The following TMCC3 variants were observed in gnomAD, a reference collection of about 807,000 sequenced individuals.
TMCC3 encodes the protein transmembrane and coiled-coil domain protein 3.
Under a neutral mutation model 40.2 loss-of-function variants are expected in TMCC3, and 28 were observed. The observed-to-expected ratio is 0.70, with a 90% CI of 0.52 to 0.95. The LOEUF is 0.95. Ranked by LOEUF, TMCC3 falls within the 40% of genes least tolerant of loss-of-function variation. The pLI is 0.00. For synonymous variants in TMCC3, 255 were observed against 248.5 expected (o/e 1.03, Z -0.25); for missense variants, 554 against 615.2 (o/e 0.90, Z 1.05).
chr12:94,597,151 AT>A (rs1185699424), intron 1 of TMCC3, among the ~76,000 whole-genome samples: 1,718 of 18,200 alleles, frequency 0.094, 92 homozygotes, highest in East Asian at 0.26. Flanking sequence ...ATATATATAT[AT>A]ATATATGTAT....
intron 3 of TMCC3, among the ~76,000 whole-genome samples, chr12:94,574,332 G>A (rs2068550712): frequency 6.6e-6 from 1 of 151,288 alleles, no homozygotes; most frequent in Non-Finnish European, 1.5e-5. Flanking sequence ...AGGTTGCAGT[G>A]AGCCGAGATC....
chr12:94,649,474 G>A (rs2138893144), intron 1 of TMCC3, among the ~76,000 whole-genome samples: 1 of 152,352 alleles, frequency 6.6e-6, no homozygotes, highest in East Asian at 1.9e-4. Flanking sequence ...AACTCCAGGT[G>A]CCTCCTGCCA....
intron 3 of TMCC3, among the ~76,000 whole-genome samples, chr12:94,578,065 T>C (rs2068576484): frequency 6.8e-6 from 1 of 146,036 alleles, no homozygotes; most frequent in East Asian, 2.0e-4. Context: ...AGAAGAATCG[T>C]TTGAACTCGG....
chr12:94,567,818 T>C lies in TMCC3; in HGVS notation c.*3617A>G, dbSNP rs150180043. The C allele has an allele frequency of 2.6e-3, 391 of 152,146 alleles. 3 individuals are homozygous for C. Among genetic ancestry groups the C allele is most frequent in the African/African-American group, 8.7e-3 (361 of 41,538 alleles). 9.4% of individuals were successfully genotyped at this position (152,146 alleles called of 1,614,324 possible). On this transcript the variant is annotated 3_prime_UTR_variant, in exon 4 of 4. Coordinates refer to ENST00000261226, the MANE Select transcript of TMCC3 (RefSeq NM_020698.4). ...ATATTTAAATGTTTTTCCAAACCAA[T>C]ACAACTATATCTGGATTCACTGCAA... is the stretch of plus-strand genomic sequence containing the variant.
chr12:94,572,330 A>ATTTTTTTTTTT lies in TMCC3; in HGVS notation c.1132-594_1132-593insAAAAAAAAAAA, dbSNP rs1178986394. 1.4e-4 allele frequency among the ~76,000 whole-genome samples: 12 copies of ATTTTTTTTTTT among 82,910 alleles called. 1 individual carries two copies. Among genetic ancestry groups the ATTTTTTTTTTT allele is most frequent in the East Asian group, 3.7e-4 (1 of 2,694 alleles). 54.4% of individuals were successfully genotyped at this position (82,910 alleles called of 152,430 possible). A position where few individuals can be genotyped will look rare whatever the true frequency, so the allele number is the denominator to read the frequency against. The stretch of plus-strand genomic sequence containing the variant: ...TCTTTTTTTTTTTTTTTTTTTTTTG[A>ATTTTTTTTTTT]GACAGAGTTTCACTCTGTCACCCAG... On this transcript the variant is annotated intron_variant, in intron 3 of 3. Coordinates refer to ENST00000261226, the MANE Select transcript of TMCC3 (RefSeq NM_020698.4).
In TMCC3 at chr12:94,567,375, A is replaced by G. The variant is rs1484724862; in HGVS notation, c.*4060T>C. ...GCTAACTACTGCCTAAACATATCTT[A>G]AACACAGAGCACGTTTTGTTGAAAT... On this transcript the variant is annotated 3_prime_UTR_variant, in exon 4 of 4. Coordinates refer to ENST00000261226, the MANE Select transcript of TMCC3 (RefSeq NM_020698.4). 1 of 152,238 alleles carries G rather than the reference A, an allele frequency of 6.6e-6. No homozygotes were observed. The highest frequency in any genetic ancestry group is 1.9e-4 in the East Asian group (1 of 5,202). 9.4% of individuals were successfully genotyped at this position (152,238 alleles called of 1,614,324 possible).
Position 94,648,238 on chromosome 12 carries a change from T to TTATG in TMCC3, c.78+2114_78+2115insCATA, listed in dbSNP as rs1344832613. Among the ~76,000 whole-genome samples the TTATG allele has an allele frequency of 6.4e-3, 976 of 152,022 alleles. 4 individuals are homozygous for TTATG. The highest frequency in any genetic ancestry group is 0.022 in the African/African-American group (909 of 41,454). Reference sequence around the variant, plus strand: ...AGAATTGTTTTATTTATTTATTTATTTATTTATTTATTTATTTAAAGACAG... The same window carrying TTATG: ...AGAATTGTTTTATTTATTTATTTATTTATGTATTTATTTATTTATTTAAAGACAG... On this transcript the variant is annotated intron_variant, in intron 1 of 3. Coordinates refer to ENST00000261226, the MANE Select transcript of TMCC3 (RefSeq NM_020698.4).
At position 94,582,015 on chromosome 12, in the gene TMCC3, T is replaced by G; in HGVS notation, c.602A>C (p.Asn201Thr). 6.2e-7 allele frequency: 1 copy of G among 1,614,188 alleles called. No homozygotes were observed. The highest frequency in any genetic ancestry group is 8.5e-7 in the Non-Finnish European group (1 of 1,180,036). ...CAGGTTGGCAAACTCTCTGGACTTA[T>G]TGAAAACGAACACAGGTGGAGTAAG... Reference protein sequence around the residue: ...VSLTPPVFVFNKSREFANLIR... With the variant: ...VSLTPPVFVFTKSREFANLIR... Residue 201 changes from asparagine (N) to threonine (T), a missense_variant, in exon 2 of 4, where the codon AAT becomes ACT. Transcript: ENST00000261226.
chr12:94,611,277 T>C (rs1224600905), intron 1 of TMCC3, among the ~76,000 whole-genome samples: 1 of 152,222 alleles, frequency 6.6e-6, no homozygotes, highest in Non-Finnish European at 1.5e-5. Flanking sequence ...ACAAATTTTA[T>C]GGGACTAAGC....
At chr12:94,597,122 TAC>T (rs34088441) in intron 1 of TMCC3, among the ~76,000 whole-genome samples, 109,969 of 132,316 alleles carry the variant, frequency 0.83, 46,209 homozygotes, top group Middle Eastern at 0.91. Flanking sequence ...TCTATTAAAA[TAC>T]ATATATATAT....
rs1241148086 is a variant in TMCC3, at chr12:94,582,328, GA to G, written c.288del (p.Leu97Ter). 1 of 1,613,906 alleles carries G rather than the reference GA, an allele frequency of 6.2e-7. No individual in the cohort carries two copies. Among genetic ancestry groups the G allele is most frequent in the Non-Finnish European group, 8.5e-7 (1 of 1,180,002 alleles). ...QTSRDGNVAEYLKLVNNADKQ... is the reference protein window; with the variant it reads ...QTSRDGNVAEXLKLVNNADKQ... The stretch of plus-strand genomic sequence containing the variant: ...TTGTCTGCGTTGTTCACTAGTTTCA[GA>G]TACTCCGCAACATTCCCATCGCGCG... On this transcript the variant is annotated frameshift_variant, in exon 2 of 4. Coordinates refer to ENST00000261226, the MANE Select transcript of TMCC3 (RefSeq NM_020698.4). LOFTEE classifies it high-confidence loss of function.
chr12:94,588,015 C>G (rs748669171), intron 1 of TMCC3, among the ~76,000 whole-genome samples: 7 of 152,282 alleles, frequency 4.6e-5, no homozygotes, highest in Admixed American at 1.3e-4. Context: ...CACCCCAATG[C>G]TCTGGAACAA....
intron 1 of TMCC3, among the ~76,000 whole-genome samples, chr12:94,628,790 G>C (rs1272811834): frequency 6.6e-6 from 1 of 152,198 alleles, no homozygotes; most frequent in Non-Finnish European, 1.5e-5. Flanking sequence ...ATAAGCGCGT[G>C]ACTTTTGTAA....
chr12:94,616,253 C>T lies in TMCC3; in HGVS notation c.79-33715G>A, dbSNP rs371096146. 2.3e-5 allele frequency: 5 copies of T among 213,644 alleles called. No individual in the cohort carries two copies. In the South Asian group the frequency reaches 5.0e-4, roughly 21 times the overall value. The allele number at this position is 213,644 out of a possible 1,614,324, so 13.2% of individuals were successfully genotyped here. On this transcript the variant is annotated intron_variant, in intron 1 of 3. Transcript: ENST00000261226. ...TTTGCAGGGAGGTCGACTAGAAGGG[C>T]GCCTGCTATCAATCACCCCGACTCT...
intron 2 of TMCC3, among the ~76,000 whole-genome samples, chr12:94,578,800 G>A (rs1296504316): frequency 6.6e-6 from 1 of 152,174 alleles, no homozygotes; most frequent in Non-Finnish European, 1.5e-5. Flanking sequence ...TAGCTGCAGT[G>A]ACCTCAAGAT....
intron 1 of TMCC3, among the ~76,000 whole-genome samples, chr12:94,589,678 T>G (rs575164482): frequency 2.6e-4 from 40 of 152,288 alleles, no homozygotes; most frequent in East Asian, 5.8e-4. Flanking sequence ...ATTCTGGCTG[T>G]CTGTCTCCAG....
intron 1 of TMCC3, among the ~76,000 whole-genome samples, chr12:94,597,809 A>AAAAT (rs983102540): frequency 2.6e-5 from 4 of 152,106 alleles, no homozygotes; most frequent in African/African-American, 4.8e-5. Context: ...TCTGTCTCAA[A>AAAAT]AAATAAATAA....
At chr12:94,634,850 A>G (rs2138879487) in intron 1 of TMCC3, among the ~76,000 whole-genome samples, 1 of 152,362 alleles carries the variant, frequency 6.6e-6, no homozygotes, top group African/African-American at 2.4e-5. Flanking sequence ...TATGCAACAC[A>G]TAGTACTTGA....
chr12:94,641,019 G>A (rs2068987549), intron 1 of TMCC3, among the ~76,000 whole-genome samples: 1 of 152,168 alleles, frequency 6.6e-6, no homozygotes, highest in African/African-American at 2.4e-5. Context: ...GGTCAACATG[G>A]TGAAACCCTG....
Sources: allele counts gnomAD v4.1 joint callset (sites outside exome capture counted in the v4.1 genomes callset), GRCh38; gene constraint gnomAD v4.1.1; transcripts MANE v1.5; gene names NCBI Gene and HGNC (gene_info 2026-07-23, HGNC 2026-07-21).